The following BTNL9 variants were observed in gnomAD, a reference collection of about 807,000 sequenced individuals.
The protein encoded by BTNL9 is butyrophilin like 9.
Under a neutral mutation model 45.8 loss-of-function variants are expected in BTNL9, and 45 were observed. That is an observed-to-expected ratio of 0.98 (90% CI 0.77 to 1.26). The LOEUF is 1.26. BTNL9 is among the 50% of genes most tolerant of loss of function. The probability of loss-of-function intolerance (pLI) is 0.00; values close to 1 mark genes in which losing one functional copy is unlikely to be tolerated. For synonymous variants in BTNL9, 346 were observed against 330.8 expected (o/e 1.05, Z -0.50); for missense variants, 784 against 729.7 (o/e 1.07, Z -0.86).
At chr5:181,056,387 T>A in intron 9 of BTNL9, 1 of 622,322 alleles carries the variant, frequency 1.6e-6, no homozygotes, top group Non-Finnish European at 2.9e-6. Context: ...TTGCAAAATG[T>A]GAATATCGAT....
chr5:181,048,981 T>C (rs894404157), intron 3 of BTNL9, among the ~76,000 whole-genome samples: 1 of 147,360 alleles, frequency 6.8e-6, no homozygotes, highest in Non-Finnish European at 1.5e-5. Context: ...TTACTCATAG[T>C]GAGAGAAAGG....
rs778640512 is a variant in BTNL9, at chr5:181,059,309, C to G, written c.1055C>G (p.Ser352Cys). The G allele has an allele frequency of 6.4e-7, 1 of 1,562,744 alleles. No individual in the cohort carries two copies. Among genetic ancestry groups the G allele is most frequent in the Non-Finnish European group, 8.6e-7 (1 of 1,160,460 alleles). The change falls in exon 11 of 11, where the codon TCC becomes TGC. Residue 352 changes from serine (S) to cysteine (C), a missense_variant. Coordinates refer to ENST00000327705, the MANE Select transcript of BTNL9 (RefSeq NM_152547.5). Reference protein sequence around the residue: ...EVSEDGKSVSSRGAPPGPAPG... With the variant: ...EVSEDGKSVSCRGAPPGPAPG... Reference sequence around the variant, plus strand: ...TCGGAGGATGGCAAGAGCGTGTCTTCCCGCGGGGCGCCGCCAGGCCCGGCG... The same window carrying G: ...TCGGAGGATGGCAAGAGCGTGTCTTGCCGCGGGGCGCCGCCAGGCCCGGCG...
Position 181,055,190 on chromosome 5 carries a change from A to T in BTNL9, c.908-243A>T, listed in dbSNP as rs569063098. The stretch of plus-strand genomic sequence containing the variant: ...AGGCCTGTCAGTACTAAGATCTGGT[A>T]TCCCTTCTAGGCTGTGTGCAGATTT... On this transcript the variant is annotated intron_variant, in intron 7 of 10. Coordinates refer to ENST00000327705, the MANE Select transcript of BTNL9 (RefSeq NM_152547.5). The surrounding 1 kb of genome is among the most constrained non-coding windows in gnomAD (Gnocchi z 4.4). 3,539 of 1,357,882 alleles carry T rather than the reference A, an allele frequency of 2.6e-3. 84 individuals carry two copies. In the African/African-American group the frequency reaches 0.046, roughly 18 times the overall value. The allele number at this position is 1,357,882 out of a possible 1,614,324, so 84.1% of individuals were successfully genotyped here.
In BTNL9 at chr5:181,051,093, A is replaced by C. The variant is rs1422155172; in HGVS notation, c.736+724A>C. ...GAATCCGTCTCAAAAAAAAAACAAA[A>C]AAAAAAAAAACAAGAAGAAGGTGGT... On this transcript the variant is annotated intron_variant, in intron 4 of 10. Transcript: ENST00000327705. Among the ~76,000 whole-genome samples the C allele has an allele frequency of 1.1e-4, 16 of 151,698 alleles. 1 individual carries two copies. The East Asian group carries it at 2.7e-3, about 26-fold the overall frequency.
At position 181,059,618 on chromosome 5, in the gene BTNL9, A is replaced by G. The variant is rs768876378; in HGVS notation, c.1364A>G (p.Tyr455Cys). The G allele has an allele frequency of 5.6e-6, 9 of 1,613,350 alleles. No homozygotes were observed. The Admixed American group carries it at 8.3e-5, about 15-fold the overall frequency. Residue 455 changes from tyrosine (Y) to cysteine (C), a missense_variant, in exon 11 of 11, where the codon TAC becomes TGC. Physicochemically the swap from Tyr to Cys is radical, Grantham distance 194. Transcript: ENST00000327705. Reference protein sequence around the residue: ...PPRRLGVFLDYEAGELSFFNV... With the variant: ...PPRRLGVFLDCEAGELSFFNV... ...CGGCGCCTGGGCGTCTTCCTGGACT[A>G]CGAGGCCGGAGAGCTGTCCTTCTTC...
chr5:181,056,137 G>C, intron 9 of BTNL9, 122 bp downstream of exon 9: 1 of 1,088,724 alleles, frequency 9.2e-7, no homozygotes, highest in Non-Finnish European at 1.4e-6. Flanking sequence ...CACAGCATGT[G>C]TTAATCTATG....
chr5:181,050,810 C>T lies in BTNL9; in HGVS notation c.736+441C>T, dbSNP rs559868168. On this transcript the variant is annotated intron_variant, in intron 4 of 10. Transcript: ENST00000327705. The surrounding 1 kb of genome is among the most constrained non-coding windows in gnomAD (Gnocchi z 4.9). ...CACGTTAGAAGGTGGTAGGTGCAGC[C>T]GGGTGCAGTGGCTCACGCCTGTAAT... Among the ~76,000 whole-genome samples, 12 of 152,024 alleles carry T rather than the reference C, an allele frequency of 7.9e-5. No homozygotes were observed. The highest frequency in any genetic ancestry group is 2.4e-4 in the African/African-American group (10 of 41,482).
At position 181,053,284 on chromosome 5, in the gene BTNL9, T is replaced by A. The variant is rs1470938516; in HGVS notation, c.821T>A (p.Leu274Gln). 6.3e-7 allele frequency: 1 copy of A among 1,582,336 alleles called. No homozygotes were observed. The change falls in exon 5 of 11, where the codon CTG becomes CAG. Residue 274 changes from leucine (L) to glutamine (Q), a missense_variant. Leu to Gln is a moderately radical substitution (Grantham distance 113). Transcript: ENST00000327705. The surrounding 1 kb of genome is among the most constrained non-coding windows in gnomAD (Gnocchi z 6.5). The stretch of plus-strand genomic sequence containing the variant: ...CTGTTGGTCCTCGCGGCGCTGGCGC[T>A]GGGCGTCCTCCGGAAGCAGCGGAGA... Reference protein sequence around the residue: ...PLLLVLAALALGVLRKQRRSR... With the variant: ...PLLLVLAALAQGVLRKQRRSR...
intron 10 of BTNL9, among the ~76,000 whole-genome samples, 170 bp downstream of exon 10, chr5:181,058,548 C>T (rs1761996347): frequency 6.6e-6 from 1 of 152,180 alleles, no homozygotes; most frequent in East Asian, 1.9e-4. Flanking sequence ...ACACATATGC[C>T]TGCATGTGTA....
chr5:181,058,447 G>A (rs1222683667), intron 10 of BTNL9, 69 bp downstream of exon 10: 12 of 1,607,742 alleles, frequency 7.5e-6, no homozygotes, highest in Non-Finnish European at 1.0e-5. Flanking sequence ...GAGGTGGAGA[G>A]ATCTGAGATT....
intron 9 of BTNL9, among the ~76,000 whole-genome samples, chr5:181,057,414 T>A (rs1032507044): frequency 2.6e-5 from 4 of 152,222 alleles, no homozygotes; most frequent in Non-Finnish European, 5.9e-5. Flanking sequence ...CGCCATTTAC[T>A]CCACCATTCC....
rs1452052085 is a variant in BTNL9, at chr5:181,053,540, G to A, written c.886+39G>A. ...GGGCGTTCTGCACGCACCTGCCCAA[G>A]TGCCAAAACCCGCCGTCATCTAAAG... is the stretch of plus-strand genomic sequence containing the variant. On this transcript the variant is annotated intron_variant, in intron 6 of 10. Transcript: ENST00000327705. This position sits in a 1 kb window ranked among gnomAD's most constrained non-coding sequence, Gnocchi z 6.5. The A allele has an allele frequency of 3.7e-5, 57 of 1,558,658 alleles. No homozygotes were observed. The highest frequency in any genetic ancestry group is 4.9e-5 in the Non-Finnish European group (56 of 1,151,018).
intron 3 of BTNL9, 128 bp downstream of exon 3, chr5:181,048,399 T>C: frequency 1.2e-6 from 1 of 848,210 alleles, no homozygotes; most frequent in Non-Finnish European, 1.8e-6. Context: ...GATGGATAGG[T>C]CCATTCTCAA....
intron 10 of BTNL9, chr5:181,059,001 A>T: frequency 3.6e-6 from 1 of 279,988 alleles, no homozygotes; most frequent in Non-Finnish European, 5.4e-6. Context: ...TATGGAATTC[A>T]GGGACCTTCC....
rs1324710596 is a variant in BTNL9, at chr5:181,060,640, AATT to A, written c.*782_*784del. On this transcript the variant is annotated 3_prime_UTR_variant, in exon 11 of 11. Transcript: ENST00000327705. ...AAGGTTTCTTTTGGAGGTGAAATCT[AATT>A]ATTGGTGAGAGTCTTGGAGAACAGG... The A allele has an allele frequency of 6.6e-6, 1 of 152,188 alleles. No individual in the cohort carries two copies. The highest frequency in any genetic ancestry group is 2.4e-5 in the African/African-American group (1 of 41,450). 9.4% of individuals were successfully genotyped at this position (152,188 alleles called of 1,614,324 possible).
intron 4 of BTNL9, among the ~76,000 whole-genome samples, chr5:181,051,872 T>G (rs1385337076): frequency 6.6e-6 from 1 of 152,168 alleles, no homozygotes; most frequent in Non-Finnish European, 1.5e-5. Context: ...AATTTTTAGA[T>G]GGGTAAATGT....
In BTNL9 at chr5:181,060,330, T is replaced by C. The variant is rs1762100932; in HGVS notation, c.*468T>C. ...TCAGATCCTAGTTTTAAAAACCATT[T>C]CCCATTAAAATGAAGTTGGAGGAAC... On this transcript the variant is annotated 3_prime_UTR_variant, in exon 11 of 11. Transcript: ENST00000327705. 6.5e-6 allele frequency: 1 copy of C among 153,500 alleles called. No individual in the cohort carries two copies. The highest frequency in any genetic ancestry group is 2.1e-4 in the South Asian group (1 of 4,842). 9.5% of individuals were successfully genotyped at this position (153,500 alleles called of 1,614,324 possible).
intron 7 of BTNL9, chr5:181,054,873 A>C (rs1761793444): frequency 2.0e-6 from 2 of 985,472 alleles, no homozygotes; most frequent in African/African-American, 3.5e-5. Flanking sequence ...TCTGAATTGT[A>C]AGTCATAACA....
chr5:181,053,425 G>T lies in BTNL9; in HGVS notation c.854-44G>T. The T allele has an allele frequency of 1.3e-6, 2 of 1,550,244 alleles. No homozygotes were observed. The highest frequency in any genetic ancestry group is 1.7e-6 in the Non-Finnish European group (2 of 1,147,548). ...GGCGCGGGAAGGCGGCCTGGAAGGG[G>T]CGGGGGCGCGCACTCAGCCCTCTCC... On this transcript the variant is annotated intron_variant, in intron 5 of 10. Coordinates refer to ENST00000327705, the MANE Select transcript of BTNL9 (RefSeq NM_152547.5). The surrounding 1 kb of genome is among the most constrained non-coding windows in gnomAD (Gnocchi z 6.5).
Sources: gnomAD v4.1 joint callset for allele counts (sites outside exome capture counted in the v4.1 genomes callset) on GRCh38, gnomAD v4.1.1 for gene constraint, Gnocchi (gnomAD v3.1) non-coding constraint, MANE v1.5 for transcripts, NCBI Gene and HGNC (gene_info 2026-07-23, HGNC 2026-07-21) for gene names.